The following WHAMM variants were observed in gnomAD, a reference collection of about 807,000 sequenced individuals.
WHAMM encodes WASP homolog associated with actin, golgi membranes and microtubules, also known as WASP homolog-associated protein with actin, membranes and microtubules.
WHAMM carries 67 observed loss-of-function variants against 76.5 expected under a neutral mutation model. That is an observed-to-expected ratio of 0.88 (90% CI 0.72 to 1.07). The LOEUF (loss-of-function observed/expected upper bound fraction) is 1.07, where lower values mean the gene tolerates loss of function less well. WHAMM is among the 50% of genes least tolerant of loss of function. The pLI, the probability that WHAMM is intolerant of heterozygous loss-of-function variation, is 0.00. For synonymous variants in WHAMM, 419 were observed against 422.1 expected, an observed-to-expected ratio of 0.99 and a Z score of 0.09; for missense variants, 1,021 against 1,051.1, an observed-to-expected ratio of 0.97 and a Z score of 0.40.
At chr15:82,832,126 C>T (rs2051040555) in intron 9 of WHAMM, among the ~76,000 whole-genome samples, 1 of 152,192 alleles carries the variant, frequency 6.6e-6, no homozygotes, top group Non-Finnish European at 1.5e-5. Context: ...GTGGGCAGAT[C>T]TTTGTGGGGT....
chr15:82,820,766 G>T (rs937116663), intron 5 of WHAMM, among the ~76,000 whole-genome samples: 1 of 151,948 alleles, frequency 6.6e-6, no homozygotes, highest in Non-Finnish European at 1.5e-5. Context: ...ATGATGGTAG[G>T]CGCCTGTAAT....
chr15:82,827,326 A>G (rs1249397838), intron 8 of WHAMM, among the ~76,000 whole-genome samples: 1 of 152,030 alleles, frequency 6.6e-6, no homozygotes, highest in Non-Finnish European at 1.5e-5. Context: ...TTTGAAGTAT[A>G]TACTTATGAG....
At chr15:82,823,952 T>C (rs1460603216) in intron 6 of WHAMM, among the ~76,000 whole-genome samples, 1 of 152,120 alleles carries the variant, frequency 6.6e-6, no homozygotes, top group East Asian at 1.9e-4. Context: ...CTGTAAATTA[T>C]TGAGTACACA....
At chr15:82,814,107 C>T (rs2050679418) in intron 2 of WHAMM, among the ~76,000 whole-genome samples, 1 of 152,192 alleles carries the variant, frequency 6.6e-6, no homozygotes. Context: ...ATGCTGTTAT[C>T]ACTCTTGCTT....
rs1278244064 is a variant in WHAMM, at chr15:82,834,111, T to TACTGCAACCTCCACCTC, written c.*576_*592dup. On this transcript the variant is annotated 3_prime_UTR_variant, in exon 10 of 10. Coordinates refer to ENST00000286760, the MANE Select transcript of WHAMM (RefSeq NM_001080435.3). ...AGAGTGCAGTGGCACGATCTTGGCT[T>TACTGCAACCTCCACCTC]ACTGCAACCTCCACCTCCCAGGTTC... The TACTGCAACCTCCACCTC allele has an allele frequency of 2.0e-5, 3 of 152,032 alleles. No homozygotes were observed. The highest frequency in any genetic ancestry group is 1.5e-5 in the Non-Finnish European group (1 of 68,478). The allele number at this position is 152,032 out of a possible 1,614,324, so 9.4% of individuals were successfully genotyped here.
intron 2 of WHAMM, among the ~76,000 whole-genome samples, chr15:82,815,148 T>A (rs986446488): frequency 9.5e-5 from 7 of 73,694 alleles, no homozygotes; most frequent in East Asian, 4.9e-4. Context: ...TATATATATA[T>A]ATATATAGTA....
Position 82,819,395 on chromosome 15 carries a change from C to G in WHAMM, c.1177C>G (p.Gln393Glu), listed in dbSNP as rs889913644. The change falls in exon 5 of 10, where the codon CAA (glutamine) becomes GAA (glutamate). Residue 393 changes from glutamine to glutamate, a missense_variant. By Grantham distance (29) the Gln-to-Glu change is conservative. This residue lies in a region of WHAMM where 11 missense variants were observed against 34.0 expected (regional missense o/e 0.32). Transcript: ENST00000286760. ...ATTAGAAATACAATTTTATGAAATT[C>G]AATTAGAACTATATGAAGTTAAATT... The part of the protein sequence containing the change: ...DELEIQFYEI[Q>E]LELYEVKFEI... 1 of 1,195,156 alleles carries G rather than the reference C, an allele frequency of 8.4e-7. No individual in the cohort carries two copies. The highest frequency in any genetic ancestry group is 1.1e-6 in the Non-Finnish European group (1 of 887,996). The allele number at this position is 1,195,156 out of a possible 1,614,324, so 74.0% of individuals were successfully genotyped here. A position where few individuals can be genotyped will look rare whatever the true frequency, so the allele number is the denominator to read the frequency against.
At chr15:82,813,911 C>T (rs1566991365) in intron 2 of WHAMM, among the ~76,000 whole-genome samples, 1 of 151,992 alleles carries the variant, frequency 6.6e-6, no homozygotes, top group South Asian at 2.1e-4. Flanking sequence ...CTACCCATCT[C>T]AGCCTCCCAA....
intron 8 of WHAMM, among the ~76,000 whole-genome samples, chr15:82,830,108 TA>T (rs1193468810): frequency 1.3e-5 from 2 of 152,122 alleles, no homozygotes; most frequent in African/African-American, 4.8e-5. Flanking sequence ...TCATAATACA[TA>T]CTATTTTATA....
At chr15:82,832,790 A>AT (rs1406939927) in intron 9 of WHAMM, among the ~76,000 whole-genome samples, 5 of 152,104 alleles carry the variant, frequency 3.3e-5, no homozygotes, top group African/African-American at 1.2e-4. Context: ...AGCAGGATAA[A>AT]TTTTTTTTAA....
In WHAMM at chr15:82,810,341, C is replaced by A; in HGVS notation, c.609+6C>A. On this transcript the variant is annotated splice_donor_region_variant and intron_variant, in intron 1 of 9. Transcript: ENST00000286760. ...CGGACGCGCGGCTGCGCCAGGTAAGCGAGGCCCGGTCGCCGGCGTTCGTCC... is the reference window on the plus strand; with the variant it reads ...CGGACGCGCGGCTGCGCCAGGTAAGAGAGGCCCGGTCGCCGGCGTTCGTCC... The A allele has an allele frequency of 7.7e-7, 1 of 1,306,514 alleles. No individual in the cohort carries two copies. Among genetic ancestry groups the A allele is most frequent in the South Asian group, 2.3e-5 (1 of 44,210 alleles). 80.9% of individuals were successfully genotyped at this position (1,306,514 alleles called of 1,614,324 possible). A position where few individuals can be genotyped will look rare whatever the true frequency, so the allele number is the denominator to read the frequency against.
intron 3 of WHAMM, among the ~76,000 whole-genome samples, chr15:82,817,286 A>G (rs1382480012): frequency 6.6e-6 from 1 of 152,150 alleles, no homozygotes; most frequent in South Asian, 2.1e-4. Context: ...CTTAAAGAAA[A>G]CCTGCGGGGC....
chr15:82,827,736 T>C (rs996733419), intron 8 of WHAMM, among the ~76,000 whole-genome samples: 5 of 152,220 alleles, frequency 3.3e-5, no homozygotes, highest in African/African-American at 1.2e-4. Flanking sequence ...CTTGAGGTCA[T>C]GAGTTTGAGA....
In WHAMM at chr15:82,817,927, G is replaced by T; in HGVS notation, c.942G>T (p.Gln314His). ...ATTTTTATAATCCAACAGGAATGCA[G>T]AAAGAAATGGAACAGGATGCGAAGA... ...KETVKALAGM[Q>H]KEMEQDAKRF... The change falls in exon 4 of 10, where the codon CAG (glutamine) becomes CAT (histidine). Residue 314 changes from glutamine (Q) to histidine (H), a missense_variant. Gln to His is a conservative substitution (Grantham distance 24). This residue lies in a region of WHAMM where 501 missense variants were observed against 524.9 expected (regional missense o/e 0.95). Coordinates refer to ENST00000286760, the MANE Select transcript of WHAMM (RefSeq NM_001080435.3). 6.6e-7 allele frequency: 1 copy of T among 1,522,702 alleles called. No individual in the cohort carries two copies. The highest frequency in any genetic ancestry group is 8.8e-7 in the Non-Finnish European group (1 of 1,132,812). The allele number at this position is 1,522,702 out of a possible 1,614,324, so 94.3% of individuals were successfully genotyped here. A position where few individuals can be genotyped will look rare whatever the true frequency, so the allele number is the denominator to read the frequency against.
intron 6 of WHAMM, among the ~76,000 whole-genome samples, chr15:82,824,397 G>A (rs2035704070): frequency 6.6e-6 from 1 of 151,432 alleles, no homozygotes; most frequent in African/African-American, 2.4e-5. Context: ...GCACGATCTC[G>A]GCTCACTGCA....
intron 1 of WHAMM, among the ~76,000 whole-genome samples, chr15:82,812,245 C>T (rs1157921602): frequency 2.6e-5 from 4 of 152,094 alleles, no homozygotes; most frequent in Non-Finnish European, 4.4e-5. Context: ...AAATTTTTTT[C>T]GAGATGGAGT....
rs1491200430 is a variant in WHAMM at position 82,810,191 on chromosome 15, GGC to G, written c.467_468del (p.Ala156GlyfsTer17). 47 of 1,404,448 alleles carry G rather than the reference GGC, an allele frequency of 3.3e-5. No homozygotes were observed. The highest frequency in any genetic ancestry group is 4.4e-5 in the Non-Finnish European group (47 of 1,075,660). The allele number at this position is 1,404,448 out of a possible 1,614,324, so 87.0% of individuals were successfully genotyped here. On this transcript the variant is annotated frameshift_variant, in exon 1 of 10. Coordinates refer to ENST00000286760, the MANE Select transcript of WHAMM (RefSeq NM_001080435.3). LOFTEE classifies it high-confidence loss of function. ...CGQLERYLGA[A>X]ADGCGGATVR... is the part of the protein sequence containing the mutation. ...GGCAGCTGGAACGCTATCTGGGCGCGGCGGCCGACGGCTGCGGCGGCGCCACA... is the reference window on the plus strand; with the variant it reads ...GGCAGCTGGAACGCTATCTGGGCGCGGGCCGACGGCTGCGGCGGCGCCACA...
rs2051111435 is a variant in WHAMM, at chr15:82,835,173, C to G, written c.*1637C>G. 6.6e-6 allele frequency: 1 copy of G among 151,516 alleles called. No individual in the cohort carries two copies. The highest frequency in any genetic ancestry group is 1.5e-5 in the Non-Finnish European group (1 of 68,028). The allele number at this position is 151,516 out of a possible 1,614,324, so 9.4% of individuals were successfully genotyped here. A position where few individuals can be genotyped will look rare whatever the true frequency, so the allele number is the denominator to read the frequency against. On this transcript the variant is annotated 3_prime_UTR_variant, in exon 10 of 10. Transcript: ENST00000286760. Reference sequence around the variant, plus strand: ...ACAGAGTCTTGCTCTGTCAACCAGGCTGGAGTGCGGTGGCACGATCTCAGC... The same window carrying G: ...ACAGAGTCTTGCTCTGTCAACCAGGGTGGAGTGCGGTGGCACGATCTCAGC...
intron 4 of WHAMM, among the ~76,000 whole-genome samples, chr15:82,818,979 T>C (rs2050774470): frequency 6.6e-6 from 1 of 152,242 alleles, no homozygotes; most frequent in Non-Finnish European, 1.5e-5. Flanking sequence ...TGCTATCCTT[T>C]TGACATAATC....
Sources: allele counts gnomAD v4.1 joint callset (sites outside exome capture counted in the v4.1 genomes callset), GRCh38; gene constraint gnomAD v4.1.1; regional missense constraint gnomAD v4.1.1; transcripts MANE v1.5; gene names NCBI Gene and HGNC (gene_info 2026-07-23, HGNC 2026-07-21).